The following RAPGEF6 variants were observed in gnomAD, a reference collection of about 807,000 sequenced individuals.
RAPGEF6 encodes Rap guanine nucleotide exchange factor 6, also known as PDZ domain containing guanine nucleotide exchange factor (GEF) 2.
Under a neutral mutation model 171.4 loss-of-function variants are expected in RAPGEF6, and 56 were observed. The ratio of observed to expected loss-of-function variants is 0.33; its 90% CI spans 0.26 to 0.41. The LOEUF (loss-of-function observed/expected upper bound fraction) is 0.41, where lower values mean the gene tolerates loss of function less well. Among genes scored for constraint, RAPGEF6 ranks in the 10% least tolerant of loss-of-function variants. The pLI, the probability that RAPGEF6 is intolerant of heterozygous loss-of-function variation, is 1.00. For synonymous variants in RAPGEF6, 692 were observed against 650.1 expected (o/e 1.06, Z -0.98); for missense variants, 1,674 against 1,921.4 (o/e 0.87, Z 2.41).
chr5:131,599,445 TAAAC>T (rs1283999135), intron 3 of RAPGEF6, among the ~76,000 whole-genome samples: 1 of 151,380 alleles, frequency 6.6e-6, no homozygotes, highest in African/African-American at 2.4e-5. Flanking sequence ...ATGAGCAAAA[TAAAC>T]AATAAACAAA....
In RAPGEF6 at chr5:131,489,659, A is replaced by G. The variant is rs775047398; in HGVS notation, c.1732-5T>C. On this transcript the variant is annotated splice_region_variant and splice_polypyrimidine_tract_variant and intron_variant, in intron 14 of 27. Coordinates refer to ENST00000509018, the MANE Select transcript of RAPGEF6 (RefSeq NM_016340.6). Reference sequence around the variant, plus strand: ...TTGTCCATTTACTTCCATAATCTTAAAAGTATTTAAAAAATACAAATTAAT... The same window carrying G: ...TTGTCCATTTACTTCCATAATCTTAGAAGTATTTAAAAAATACAAATTAAT... The G allele has an allele frequency of 2.8e-5, 41 of 1,458,968 alleles. No individual in the cohort carries two copies. Among genetic ancestry groups the G allele is most frequent in the Non-Finnish European group, 3.8e-5 (40 of 1,060,448 alleles). The allele number at this position is 1,458,968 out of a possible 1,614,324, so 90.4% of individuals were successfully genotyped here. A position where few individuals can be genotyped will look rare whatever the true frequency, so the allele number is the denominator to read the frequency against.
At chr5:131,478,251 T>C (rs541198192) in intron 16 of RAPGEF6, among the ~76,000 whole-genome samples, 7 of 152,282 alleles carry the variant, frequency 4.6e-5, no homozygotes, top group East Asian at 1.9e-4. Context: ...TTTTTAATTA[T>C]TGAAAAAATA....
chr5:131,464,445 T>TC (rs1491111903), intron 17 of RAPGEF6, 164 bp from the exon 18 acceptor site: 17 of 208,682 alleles, frequency 8.1e-5, no homozygotes, highest in Non-Finnish European at 1.5e-4. Context: ...AAATATATCC[T>TC]TTTTTTTTTT....
intron 6 of RAPGEF6, among the ~76,000 whole-genome samples, chr5:131,527,300 CAACAAA>C (rs1380805191): frequency 1.3e-5 from 2 of 151,004 alleles, no homozygotes; most frequent in Admixed American, 6.6e-5. Flanking sequence ...ACAACAACAA[CAACAAA>C]AAAAAACAGC....
intron 18 of RAPGEF6, chr5:131,463,688 T>C: frequency 5.5e-6 from 5 of 907,578 alleles, no homozygotes; most frequent in Middle Eastern, 5.6e-4. Flanking sequence ...TTCCTGCATA[T>C]TCATTAAAGG....
chr5:131,464,723 C>G (rs1030538817), intron 17 of RAPGEF6, among the ~76,000 whole-genome samples: 1 of 152,174 alleles, frequency 6.6e-6, no homozygotes, highest in Admixed American at 6.5e-5. Flanking sequence ...CCGTTACCCC[C>G]TGTCAAAAGT....
At chr5:131,535,603 CT>C (rs1759712593) in intron 6 of RAPGEF6, among the ~76,000 whole-genome samples, 1 of 152,080 alleles carries the variant, frequency 6.6e-6, no homozygotes, top group South Asian at 2.1e-4. Context: ...AAATCTTTAG[CT>C]TTAGAAAGGT....
chr5:131,464,623 T>C (rs1754198066), intron 17 of RAPGEF6, among the ~76,000 whole-genome samples: 1 of 152,170 alleles, frequency 6.6e-6, no homozygotes, highest in African/African-American at 2.4e-5. Flanking sequence ...CTCCATGATA[T>C]GTATTTTATA....
intron 5 of RAPGEF6, among the ~76,000 whole-genome samples, chr5:131,557,799 T>C (rs183312892): frequency 1.3e-5 from 2 of 152,322 alleles, no homozygotes; most frequent in East Asian, 3.8e-4. Context: ...ATTATATCAA[T>C]GTAGTGAATC....
At position 131,464,049 on chromosome 5, in the gene RAPGEF6, G is replaced by C. The variant is rs1754142602; in HGVS notation, c.2472C>G (p.Leu824=). 1 of 1,592,606 alleles carries C rather than the reference G, an allele frequency of 6.3e-7. No individual in the cohort carries two copies. Among genetic ancestry groups the C allele is most frequent in the Non-Finnish European group, 8.6e-7 (1 of 1,168,950 alleles). ...CTAATAAGCTTATTCACCTTCCATT[G>C]AGTTGAATTCTATCAGCTAATTTGG... ...QFSKLADRIQ[L]NGRYYLKNNM... is the part of the protein sequence containing the mutation. The change falls in exon 18 of 28, where the codon CTC becomes CTG. Residue 824 remains leucine (L), a synonymous_variant. Transcript: ENST00000509018.
chr5:131,513,436 AC>A (rs538620713), intron 7 of RAPGEF6, among the ~76,000 whole-genome samples: 104 of 152,316 alleles, frequency 6.8e-4, no homozygotes, highest in Middle Eastern at 3.4e-3. Context: ...TCATCCCCTG[AC>A]CCAGATTATT....
chr5:131,486,036 T>A (rs1032865247), intron 15 of RAPGEF6, among the ~76,000 whole-genome samples: 2 of 152,328 alleles, frequency 1.3e-5, no homozygotes, highest in East Asian at 3.9e-4. Context: ...ACCTATAATC[T>A]AAGTCCAGGG....
chr5:131,632,690 A>C (rs1233511655), intron 1 of RAPGEF6, among the ~76,000 whole-genome samples: 1 of 152,216 alleles, frequency 6.6e-6, no homozygotes, highest in East Asian at 1.9e-4. Context: ...TAATATATTC[A>C]TAATAGACCC....
chr5:131,535,098 C>A (rs1759677312), intron 6 of RAPGEF6, among the ~76,000 whole-genome samples: 1 of 152,076 alleles, frequency 6.6e-6, no homozygotes, highest in East Asian at 1.9e-4. Flanking sequence ...AGTAAAGGAA[C>A]AAAATTCTCT....
At chr5:131,479,817 C>A in intron 15 of RAPGEF6, 64 bp from the exon 16 acceptor site, 1 of 1,524,538 alleles carries the variant, frequency 6.6e-7, no homozygotes, top group Non-Finnish European at 8.9e-7. Context: ...ATACCAACAA[C>A]AAATTTTAAG....
chr5:131,580,332 G>A (rs1762874759), intron 4 of RAPGEF6, among the ~76,000 whole-genome samples: 1 of 152,114 alleles, frequency 6.6e-6, no homozygotes, highest in South Asian at 2.1e-4. Context: ...TCCGAGTGTG[G>A]GGCCCACCAA....
intron 6 of RAPGEF6, among the ~76,000 whole-genome samples, chr5:131,543,598 A>G (rs1561549411): frequency 6.6e-6 from 1 of 152,202 alleles, no homozygotes; most frequent in Non-Finnish European, 1.5e-5. Flanking sequence ...AATTTCAACA[A>G]CCACCCCCTA....
intron 18 of RAPGEF6, among the ~76,000 whole-genome samples, chr5:131,463,230 CTG>C (rs994476842): frequency 1.8e-4 from 28 of 152,226 alleles, no homozygotes; most frequent in African/African-American, 6.5e-4. Context: ...CATGCAGTCA[CTG>C]TAAGCTTTCT....
At chr5:131,564,843 T>C (rs984838810) in intron 4 of RAPGEF6, among the ~76,000 whole-genome samples, 1 of 152,144 alleles carries the variant, frequency 6.6e-6, no homozygotes, top group African/African-American at 2.4e-5. Flanking sequence ...TCAAATCACA[T>C]ATGCAGACAC....
Sources: allele counts gnomAD v4.1 joint callset (sites outside exome capture counted in the v4.1 genomes callset), GRCh38; gene constraint gnomAD v4.1.1; transcripts MANE v1.5; gene names NCBI Gene and HGNC (gene_info 2026-07-23, HGNC 2026-07-21).